Variants in SRD5A2 observed in about 807,000 individuals in gnomAD.
SRD5A2 encodes steroid 5 alpha-reductase 2, also known as 3-oxo-5-alpha-steroid 4-dehydrogenase 2.
In SRD5A2, 30 loss-of-function variants were observed where a neutral mutation model predicts 27.4. The observed-to-expected ratio is 1.10, with a 90% confidence interval of 0.82 to 1.49. The LOEUF (loss-of-function observed/expected upper bound fraction) is 1.49, where lower values mean the gene tolerates loss of function less well. Ranked by LOEUF, SRD5A2 falls within the 40% of genes most tolerant of loss-of-function variation. The probability of loss-of-function intolerance (pLI) is 0.00; values close to 1 mark genes in which losing one functional copy is unlikely to be tolerated. For synonymous variants in SRD5A2, 141 were observed against 133.6 expected, an observed-to-expected ratio of 1.06 and a Z score of -0.38; for missense variants, 348 against 323.4, an observed-to-expected ratio of 1.08 and a Z score of -0.58.
chr2:31,657,858 G>A, the SRD5A2 span, among the ~76,000 whole-genome samples: 2 of 151,892 alleles, frequency 1.3e-5, no homozygotes, highest in African/African-American at 2.4e-5. Context: ...TGTGGGGGTG[G>A]GAAGGAAATA....
chr2:31,619,190 T>C, the SRD5A2 span, among the ~76,000 whole-genome samples: 3 of 152,106 alleles, frequency 2.0e-5, no homozygotes, highest in Admixed American at 2.0e-4. Context: ...ACAGGGAAAT[T>C]AGAACTCTCA....
chr2:31,546,221 G>A (rs1178882968), intron 1 of SRD5A2, among the ~76,000 whole-genome samples: 2 of 151,020 alleles, frequency 1.3e-5, no homozygotes, highest in African/African-American at 4.9e-5. Flanking sequence ...AATTCAAATG[G>A]AATCTCAAGA....
At chr2:31,627,411 A>G in the SRD5A2 span, among the ~76,000 whole-genome samples, 1 of 146,474 alleles carries the variant, frequency 6.8e-6, no homozygotes, top group Non-Finnish European at 1.5e-5. Context: ...CAGCTCCTGT[A>G]TTCACTGTTC....
chr2:31,655,357 T>TC, the SRD5A2 span, among the ~76,000 whole-genome samples: 4 of 152,186 alleles, frequency 2.6e-5, no homozygotes, highest in African/African-American at 7.2e-5. Context: ...CGCCTCGGCC[T>TC]CCCAAAGTGC....
intron 1 of SRD5A2, among the ~76,000 whole-genome samples, chr2:31,571,151 G>A (rs772284489): frequency 1.1e-4 from 16 of 152,008 alleles, no homozygotes; most frequent in African/African-American, 1.7e-4. Flanking sequence ...CCAAAACAGC[G>A]TGGCACTGGT....
chr2:31,586,094 G>C, the SRD5A2 span, among the ~76,000 whole-genome samples: 3 of 151,848 alleles, frequency 2.0e-5, no homozygotes, highest in Admixed American at 2.0e-4. Flanking sequence ...GTGGTGTTTG[G>C]TTACACAGAT....
chr2:31,598,226 TTATAAGTAGGAGCTAAGC>T, the SRD5A2 span, among the ~76,000 whole-genome samples: 1 of 152,028 alleles, frequency 6.6e-6, no homozygotes, highest in East Asian at 1.9e-4. Flanking sequence ...ATGTTCTCAC[TTATAAGTAGGAGCTAAGC>T]TATAAGAATG....
chr2:31,595,572 A>T, the SRD5A2 span, among the ~76,000 whole-genome samples: 4 of 150,562 alleles, frequency 2.7e-5, no homozygotes, highest in East Asian at 5.9e-4. Context: ...AAAGTTGCCA[A>T]GGGAAAAAAA....
At chr2:31,658,396 T>C in the SRD5A2 span, among the ~76,000 whole-genome samples, 7 of 151,798 alleles carry the variant, frequency 4.6e-5, no homozygotes, top group East Asian at 1.9e-4. Context: ...CTGAAGGGAA[T>C]TGAGACCAAA....
the SRD5A2 span, among the ~76,000 whole-genome samples, chr2:31,606,204 G>T: frequency 6.6e-6 from 1 of 151,838 alleles, no homozygotes; most frequent in Admixed American, 6.6e-5. Context: ...AATGTAGAAA[G>T]AATGAGTAAG....
chr2:31,655,608 G>A, the SRD5A2 span, among the ~76,000 whole-genome samples: 2 of 152,244 alleles, frequency 1.3e-5, no homozygotes, highest in South Asian at 2.1e-4. Flanking sequence ...GACCACTCAT[G>A]AGCACTGCCT....
intron 1 of SRD5A2, among the ~76,000 whole-genome samples, chr2:31,573,594 C>T (rs1435730519): frequency 6.6e-6 from 1 of 152,136 alleles, no homozygotes; most frequent in African/African-American, 2.4e-5. Context: ...AATATTTATG[C>T]TCCCCCTACA....
At chr2:31,596,865 A>G in the SRD5A2 span, among the ~76,000 whole-genome samples, 5 of 152,358 alleles carry the variant, frequency 3.3e-5, no homozygotes, top group African/African-American at 9.6e-5. Flanking sequence ...GAATGGAAAC[A>G]TAGCTCAAGC....
intron 2 of SRD5A2, among the ~76,000 whole-genome samples, chr2:31,532,459 G>C (rs897856875): frequency 6.6e-6 from 1 of 151,338 alleles, no homozygotes. Flanking sequence ...ATCTTACTTA[G>C]CCACATATCC....
chr2:31,582,642 T>TA (rs1667101919), upstream of SRD5A2, among the ~76,000 whole-genome samples: 1 of 152,170 alleles, frequency 6.6e-6, no homozygotes, highest in African/African-American at 2.4e-5. Flanking sequence ...CCAGCAAAGA[T>TA]ATGAGCTTTA....
At chr2:31,620,107 C>T in the SRD5A2 span, among the ~76,000 whole-genome samples, 1 of 151,744 alleles carries the variant, frequency 6.6e-6, no homozygotes, top group Non-Finnish European at 1.5e-5. Flanking sequence ...TCTTGAGATG[C>T]AGAAAAGGCT....
chr2:31,586,204 C>T, the SRD5A2 span, among the ~76,000 whole-genome samples: 2 of 152,120 alleles, frequency 1.3e-5, no homozygotes, highest in African/African-American at 4.8e-5. Flanking sequence ...CCCTCTCACA[C>T]TTTCCCCCGA....
chr2:31,610,274 C>T, the SRD5A2 span, among the ~76,000 whole-genome samples: 16 of 151,972 alleles, frequency 1.1e-4, no homozygotes, highest in South Asian at 1.5e-3. Context: ...TTCTCAACAA[C>T]CAAAAAAAAG....
At chr2:31,535,110 C>G (rs929376624) in intron 1 of SRD5A2, among the ~76,000 whole-genome samples, 2 of 152,036 alleles carry the variant, frequency 1.3e-5, no homozygotes, top group Admixed American at 1.3e-4. Flanking sequence ...CAACCTCCAC[C>G]TCCAGGGTTC....
Sources: allele counts gnomAD v4.1 joint callset (sites outside exome capture counted in the v4.1 genomes callset), GRCh38; gene constraint gnomAD v4.1.1; transcripts MANE v1.5; gene names NCBI Gene and HGNC (gene_info 2026-07-23, HGNC 2026-07-21).